The following CTNND2 variants were observed in gnomAD, a reference collection of about 807,000 sequenced individuals.
CTNND2 encodes catenin delta-2.
A neutral mutation model predicts 144.4 loss-of-function variants in CTNND2; 22 were observed. The observed-to-expected ratio is 0.15, with a 90% confidence interval of 0.11 to 0.22. CTNND2 has a LOEUF of 0.22. Among genes scored for constraint, CTNND2 ranks in the 10% least tolerant of loss-of-function variants. CTNND2 has a pLI of 1.00. For missense variants in CTNND2, 1,353 were observed against 1,618.8 expected, an observed-to-expected ratio of 0.84 and a Z score of 2.82; for synonymous variants, 751 against 695.6, an observed-to-expected ratio of 1.08 and a Z score of -1.25.
intron 1 of CTNND2, among the ~76,000 whole-genome samples, chr5:11,736,882 A>T (rs1787711095): frequency 6.6e-6 from 1 of 152,172 alleles, no homozygotes; most frequent in South Asian, 2.1e-4. Flanking sequence ...TTACATAATA[A>T]GGTACTAATG....
At chr5:11,175,516 T>C (rs367588561) in intron 11 of CTNND2, among the ~76,000 whole-genome samples, 11 of 152,334 alleles carry the variant, frequency 7.2e-5, no homozygotes, top group South Asian at 4.1e-4. Flanking sequence ...ACGGATATAT[T>C]TTGATATCAA....
At chr5:11,236,227 A>G (rs1299846551) in intron 10 of CTNND2, among the ~76,000 whole-genome samples, 1 of 152,246 alleles carries the variant, frequency 6.6e-6, no homozygotes, top group Non-Finnish European at 1.5e-5. Flanking sequence ...GTTATAACAC[A>G]AAGCCAATTT....
Position 11,159,696 on chromosome 5 carries a change from G to T in CTNND2, c.2039C>A (p.Ala680Glu). The T allele has an allele frequency of 3.7e-6, 6 of 1,612,386 alleles. No homozygotes were observed. Among genetic ancestry groups the T allele is most frequent in the Non-Finnish European group, 5.1e-6 (6 of 1,179,318 alleles). Residue 680 changes from alanine to glutamate, a missense_variant, in exon 12 of 22, where the codon GCA (alanine) becomes GAA (glutamate). Around this residue, in one of 4 missense-constraint regions of CTNND2, gnomAD observed 117 missense variants for 117.8 expected, o/e 0.99. Coordinates refer to ENST00000304623, the MANE Select transcript of CTNND2 (RefSeq NM_001332.4). ...LKMPIIQDAL[A>E]VLTNAVIIPH... ...GATAATCACCGCGTTGGTCAGTACT[G>T]CTAGGGCATCCTGGATGATTGGCAT...
chr5:11,821,123 C>T (rs552936892), intron 1 of CTNND2, among the ~76,000 whole-genome samples: 16 of 152,292 alleles, frequency 1.1e-4, no homozygotes, highest in African/African-American at 3.6e-4. Context: ...GTACCTTAAA[C>T]TCTGACTTCT....
intron 2 of CTNND2, among the ~76,000 whole-genome samples, chr5:11,685,691 C>T (rs1784615869): frequency 6.6e-6 from 1 of 152,122 alleles, no homozygotes; most frequent in Non-Finnish European, 1.5e-5. Flanking sequence ...AGATGCTAAC[C>T]CAATCCTACT....
intron 2 of CTNND2, among the ~76,000 whole-genome samples, chr5:11,663,373 A>G (rs929387040): frequency 2.0e-5 from 3 of 152,222 alleles, no homozygotes; most frequent in African/African-American, 7.2e-5. Context: ...ACATTTTAAT[A>G]TATACAGCCT....
At chr5:11,669,973 G>T (rs906788324) in intron 2 of CTNND2, among the ~76,000 whole-genome samples, 3 of 152,158 alleles carry the variant, frequency 2.0e-5, no homozygotes, top group African/African-American at 7.2e-5. Context: ...TGGTTTCAAA[G>T]AACATCTTTA....
intron 1 of CTNND2, among the ~76,000 whole-genome samples, chr5:11,821,162 G>C (rs947809945): frequency 6.6e-6 from 1 of 151,988 alleles, no homozygotes; most frequent in Non-Finnish European, 1.5e-5. Context: ...TATAAACTTA[G>C]GTCTAATACT....
Position 11,779,816 on chromosome 5 carries a change from C to A in CTNND2, c.38-47544G>T, listed in dbSNP as rs149264919. ...ATTAAATTTCCAGCAATTTTAGTCA[C>A]TGAAACAGTATCATTTAGCAAACAG... On this transcript the variant is annotated intron_variant, in intron 1 of 21. Transcript: ENST00000304623. 3.3e-3 allele frequency among the ~76,000 whole-genome samples: 508 copies of A among 152,290 alleles called. 2 individuals carry two copies. Among genetic ancestry groups the A allele is most frequent in the African/African-American group, 0.012 (491 of 41,558 alleles).
intron 9 of CTNND2, among the ~76,000 whole-genome samples, chr5:11,320,770 C>T (rs1751953545): frequency 6.6e-6 from 1 of 152,152 alleles, no homozygotes; most frequent in Non-Finnish European, 1.5e-5. Flanking sequence ...ATCCCTCCCA[C>T]AACACGTGGG....
rs1230578081 is a variant in CTNND2, at chr5:11,691,317, A to C, written c.174+40819T>G. Among the ~76,000 whole-genome samples the C allele has an allele frequency of 2.0e-5, 3 of 151,982 alleles. No homozygotes were observed. In the East Asian group the frequency reaches 5.8e-4, roughly 29 times the overall value. On this transcript the variant is annotated intron_variant, in intron 2 of 21. Transcript: ENST00000304623. ...ACCCAGGAGGTTGGAGCTTGCAGTG[A>C]GCCGAGATTGCGCCACTTCACTCCA...
chr5:11,322,353 G>A (rs765365290), intron 9 of CTNND2, among the ~76,000 whole-genome samples: 5 of 152,086 alleles, frequency 3.3e-5, no homozygotes, highest in Non-Finnish European at 7.3e-5. Flanking sequence ...ACTCATCTTG[G>A]TAATTTTAAT....
At chr5:11,602,203 G>A (rs1243201424) in intron 2 of CTNND2, among the ~76,000 whole-genome samples, 1 of 151,732 alleles carries the variant, frequency 6.6e-6, no homozygotes, top group Non-Finnish European at 1.5e-5. Context: ...ATTGTAAGTG[G>A]CTCATAACAA....
At chr5:11,574,106 C>A (rs533454183) in intron 2 of CTNND2, among the ~76,000 whole-genome samples, 1 of 152,060 alleles carries the variant, frequency 6.6e-6, no homozygotes, top group South Asian at 2.1e-4. Context: ...ACTGAAGACA[C>A]AAATGTGGAG....
At position 11,677,192 on chromosome 5, in the gene CTNND2, A is replaced by C. The variant is rs1169836298; in HGVS notation, c.174+54944T>G. 2.0e-5 allele frequency among the ~76,000 whole-genome samples: 3 copies of C among 152,232 alleles called. No individual in the cohort carries two copies. In the East Asian group the frequency reaches 5.8e-4, roughly 29 times the overall value. On this transcript the variant is annotated intron_variant, in intron 2 of 21. Coordinates refer to ENST00000304623, the MANE Select transcript of CTNND2 (RefSeq NM_001332.4). ...ATAAATAGCTGTGTCTCAGCCAATC[A>C]CAGTAGCCAAGCTTCAACCAATCAC... is the stretch of plus-strand genomic sequence containing the variant.
chr5:11,582,200 G>C (rs1267574017), intron 2 of CTNND2, among the ~76,000 whole-genome samples: 3 of 152,166 alleles, frequency 2.0e-5, no homozygotes, highest in Non-Finnish European at 4.4e-5. Flanking sequence ...CATTTGGAAG[G>C]GATCATAGAA....
At chr5:11,773,656 A>C (rs1216331512) in intron 1 of CTNND2, among the ~76,000 whole-genome samples, 2 of 152,010 alleles carry the variant, frequency 1.3e-5, no homozygotes, top group Non-Finnish European at 2.9e-5. Flanking sequence ...CCAAAAATAC[A>C]AAAATCAGCC....
At chr5:11,105,625 G>A (rs186042093) in intron 14 of CTNND2, among the ~76,000 whole-genome samples, 7 of 152,330 alleles carry the variant, frequency 4.6e-5, no homozygotes, top group African/African-American at 7.2e-5. Context: ...CTGAAACAGA[G>A]TTTTAAGTCT....
At chr5:11,072,678 G>A (rs920625716) in intron 16 of CTNND2, among the ~76,000 whole-genome samples, 5 of 152,298 alleles carry the variant, frequency 3.3e-5, no homozygotes, top group Admixed American at 6.5e-5. Flanking sequence ...TGAACAACAC[G>A]AGCTTTTTTC....
Sources: allele counts gnomAD v4.1 joint callset (sites outside exome capture counted in the v4.1 genomes callset), GRCh38; gene constraint gnomAD v4.1.1; regional missense constraint gnomAD v4.1.1; transcripts MANE v1.5; gene names NCBI Gene and HGNC (gene_info 2026-07-23, HGNC 2026-07-21).